The following ERI3 variants were observed in gnomAD, a reference collection of about 807,000 sequenced individuals.
ERI3 encodes ERI1 exoribonuclease 3.
Under a neutral mutation model 44.4 loss-of-function variants are expected in ERI3, and 18 were observed. The observed-to-expected ratio is 0.41, with a 90% CI of 0.28 to 0.60. The LOEUF (loss-of-function observed/expected upper bound fraction) is 0.60, where lower values mean the gene tolerates loss of function less well. Among genes scored for constraint, ERI3 ranks in the 20% least tolerant of loss-of-function variants. The pLI is 0.36. For synonymous variants in ERI3, 183 were observed against 164.8 expected, an observed-to-expected ratio of 1.11 and a Z score of -0.84; for missense variants, 294 against 435.5, an observed-to-expected ratio of 0.68 and a Z score of 2.89.
At chr1:44,233,161 C>T (rs1235450767) in intron 8 of ERI3, among the ~76,000 whole-genome samples, 5 of 152,170 alleles carry the variant, frequency 3.3e-5, no homozygotes, top group African/African-American at 1.2e-4. Flanking sequence ...TATAAAACTG[C>T]CCAGCCAATC....
intron 4 of ERI3, among the ~76,000 whole-genome samples, chr1:44,317,144 G>GCACA (rs10670781): frequency 0.23 from 35,047 of 150,986 alleles, 4,383 homozygotes; most frequent in East Asian, 0.49. Flanking sequence ...GCATGTGCGT[G>GCACA]CACACACACA....
intron 3 of ERI3, among the ~76,000 whole-genome samples, chr1:44,330,189 C>T (rs1286130632): frequency 1.3e-5 from 2 of 152,216 alleles, no homozygotes; most frequent in African/African-American, 4.8e-5. Flanking sequence ...GGCTCCCCAA[C>T]TGTACCCCCA....
rs987989613 is a variant in ERI3 at position 44,250,730 on chromosome 1, G to C, written c.832-2692C>G. Among the ~76,000 whole-genome samples, 15 of 152,192 alleles carry C rather than the reference G, an allele frequency of 9.9e-5. 1 individual carries two copies. The South Asian group carries it at 1.0e-3, about 10-fold the overall frequency. The stretch of plus-strand genomic sequence containing the variant: ...ATGGCCTCATCCAGCACTTCCTCAG[G>C]GGGGGCATGGGGCGGGAGAGGGGGT... On this transcript the variant is annotated intron_variant, in intron 7 of 8. Coordinates refer to ENST00000372257, the MANE Select transcript of ERI3 (RefSeq NM_024066.3).
At chr1:44,255,315 T>C (rs145909875) in intron 7 of ERI3, among the ~76,000 whole-genome samples, 344 of 152,296 alleles carry the variant, frequency 2.3e-3, no homozygotes, top group Middle Eastern at 6.8e-3. Context: ...TTCAGATTCT[T>C]ACCTGCCTTC....
intron 3 of ERI3, 83 bp from the exon 4 acceptor site, chr1:44,319,827 T>C (rs1036581958): frequency 1.9e-6 from 2 of 1,052,142 alleles, no homozygotes; most frequent in African/African-American, 1.6e-5. Flanking sequence ...CAACAAAGAA[T>C]GAGTGTTTTG....
At chr1:44,259,383 T>A (rs1374070744) in intron 7 of ERI3, among the ~76,000 whole-genome samples, 1 of 152,044 alleles carries the variant, frequency 6.6e-6, no homozygotes, top group Non-Finnish European at 1.5e-5. Context: ...CCAGAGTCCC[T>A]GAGCACAGAA....
intron 7 of ERI3, among the ~76,000 whole-genome samples, chr1:44,263,669 C>T (rs540587885): frequency 6.6e-6 from 1 of 152,342 alleles, no homozygotes; most frequent in East Asian, 1.9e-4. Context: ...CTTGTGGCCC[C>T]ACTCCTGAGA....
intron 8 of ERI3, among the ~76,000 whole-genome samples, chr1:44,247,680 C>T (rs1311835649): frequency 1.3e-5 from 2 of 152,112 alleles, no homozygotes; most frequent in Non-Finnish European, 2.9e-5. Context: ...AGGACCTTGG[C>T]CTGAGTCCAA....
chr1:44,291,039 C>G (rs1645496474), intron 6 of ERI3, among the ~76,000 whole-genome samples: 1 of 152,194 alleles, frequency 6.6e-6, no homozygotes, highest in African/African-American at 2.4e-5. Flanking sequence ...CTTCCTCCCC[C>G]ACTGCATCCT....
At chr1:44,348,700 A>G (rs1190394395) in intron 2 of ERI3, among the ~76,000 whole-genome samples, 1 of 152,232 alleles carries the variant, frequency 6.6e-6, no homozygotes, top group African/African-American at 2.4e-5. Flanking sequence ...ACCCAAATCA[A>G]ACCTAGTAGA....
chr1:44,229,673 C>T (rs1193567377), intron 8 of ERI3, among the ~76,000 whole-genome samples: 2 of 152,220 alleles, frequency 1.3e-5, no homozygotes, highest in Non-Finnish European at 1.5e-5. Flanking sequence ...CTTGTGGGCC[C>T]GCCCTAATGC....
chr1:44,318,851 CCT>C (rs781503907), intron 4 of ERI3, among the ~76,000 whole-genome samples: 37 of 152,366 alleles, frequency 2.4e-4, no homozygotes, highest in Non-Finnish European at 4.0e-4. Context: ...ATTCTTAACC[CCT>C]GATTGCACCA....
intron 7 of ERI3, among the ~76,000 whole-genome samples, chr1:44,258,569 C>G (rs1215815150): frequency 6.6e-6 from 1 of 152,142 alleles, no homozygotes; most frequent in East Asian, 1.9e-4. Context: ...ACAGGTCAAG[C>G]AGACCAAGCC....
intron 3 of ERI3, among the ~76,000 whole-genome samples, chr1:44,333,775 C>T (rs952703336): frequency 1.3e-5 from 2 of 152,130 alleles, no homozygotes; most frequent in African/African-American, 2.4e-5. Flanking sequence ...GGAAACCCTC[C>T]GAATCTCTTC....
At position 44,339,222 on chromosome 1, in the gene ERI3, G is replaced by A; in HGVS notation, c.312C>T (p.Ser104=). 6.2e-7 allele frequency: 1 copy of A among 1,613,928 alleles called. No homozygotes were observed. The highest frequency in any genetic ancestry group is 8.5e-7 in the Non-Finnish European group (1 of 1,179,990). The part of the protein sequence containing the change: ...LLSRARKVLG[S]HLFSPCGVPE... Reference sequence around the variant, plus strand: ...GAACACCACAGGGAGAAAATAAGTGGGAGCCCAGCACTTTTCTTGCTCTTG... The same window carrying A: ...GAACACCACAGGGAGAAAATAAGTGAGAGCCCAGCACTTTTCTTGCTCTTG... The change falls in exon 3 of 9, where the codon TCC becomes TCT. Residue 104 remains serine, a synonymous_variant. Coordinates refer to ENST00000372257, the MANE Select transcript of ERI3 (RefSeq NM_024066.3).
At chr1:44,331,422 T>C (rs1310046084) in intron 3 of ERI3, among the ~76,000 whole-genome samples, 1 of 152,150 alleles carries the variant, frequency 6.6e-6, no homozygotes, top group Non-Finnish European at 1.5e-5. Context: ...ATCAGCCTCC[T>C]GATAATGCCT....
intron 2 of ERI3, among the ~76,000 whole-genome samples, chr1:44,350,477 G>T (rs1431619176): frequency 6.6e-6 from 1 of 152,084 alleles, no homozygotes; most frequent in Admixed American, 6.5e-5. Flanking sequence ...GGCCAGGCTG[G>T]TCTCAAACTC....
intron 5 of ERI3, among the ~76,000 whole-genome samples, chr1:44,311,554 C>G (rs1036727778): frequency 6.6e-6 from 1 of 152,132 alleles, no homozygotes; most frequent in African/African-American, 2.4e-5. Context: ...TTGGGTGAGA[C>G]CCAGAATTCT....
chr1:44,236,951 C>T (rs10890294), intron 8 of ERI3, among the ~76,000 whole-genome samples: 36,485 of 152,072 alleles, frequency 0.24, 5,022 homozygotes, highest in South Asian at 0.41. Context: ...GGCTGTCCCT[C>T]GTGCTAGGCC....
Sources: allele counts gnomAD v4.1 joint callset (sites outside exome capture counted in the v4.1 genomes callset), GRCh38; gene constraint gnomAD v4.1.1; transcripts MANE v1.5; gene names NCBI Gene and HGNC (gene_info 2026-07-23, HGNC 2026-07-21).